The following SAMM50 variants were observed in gnomAD, a reference collection of about 807,000 sequenced individuals.
SAMM50 encodes sorting and assembly machinery component 50 homolog.
In SAMM50, 47 loss-of-function variants were observed where a neutral mutation model predicts 66.9. The ratio of observed to expected loss-of-function variants is 0.70; its 90% confidence interval spans 0.56 to 0.90. The LOEUF is 0.90. SAMM50 is among the 40% of genes least tolerant of loss of function. SAMM50 has a pLI of 0.00. For synonymous variants in SAMM50, 191 were observed against 214.1 expected, an observed-to-expected ratio of 0.89 and a Z score of 0.94; for missense variants, 535 against 595.3, an observed-to-expected ratio of 0.90 and a Z score of 1.05.
At chr22:43,993,456 C>G (rs1173595233) in intron 14 of SAMM50, among the ~76,000 whole-genome samples, 1 of 152,228 alleles carries the variant, frequency 6.6e-6, no homozygotes, top group Admixed American at 6.5e-5. Flanking sequence ...AGCTTTACTT[C>G]CGTCTCTTCA....
At chr22:43,967,582 A>G (rs939524547) in intron 3 of SAMM50, among the ~76,000 whole-genome samples, 1 of 152,132 alleles carries the variant, frequency 6.6e-6, no homozygotes, top group East Asian at 1.9e-4. Context: ...CCTTCACCCT[A>G]GCCCCTGAGG....
chr22:43,984,751 C>T (rs548438480), intron 12 of SAMM50, among the ~76,000 whole-genome samples: 1 of 152,130 alleles, frequency 6.6e-6, no homozygotes, highest in Non-Finnish European at 1.5e-5. Context: ...GCCTCAGCCC[C>T]CTGAGTAGCT....
chr22:43,987,980 T>A (rs2050303335), intron 12 of SAMM50: 1 of 152,156 alleles, frequency 6.6e-6, no homozygotes, highest in Non-Finnish European at 1.5e-5. Context: ...TGGTTTTACA[T>A]TTACATTATA....
At chr22:43,982,584 C>T (rs2050270120) in intron 11 of SAMM50, among the ~76,000 whole-genome samples, 1 of 152,224 alleles carries the variant, frequency 6.6e-6, no homozygotes, top group African/African-American at 2.4e-5. Context: ...ATGTTATATG[C>T]ATCCTGGATC....
At chr22:43,967,065 C>G (rs1027763041) in intron 3 of SAMM50, among the ~76,000 whole-genome samples, 1 of 152,178 alleles carries the variant, frequency 6.6e-6, no homozygotes, top group Non-Finnish European at 1.5e-5. Context: ...TTTTCTGTCT[C>G]ATCACAGTCA....
At chr22:43,982,420 A>G (rs1195409750) in intron 11 of SAMM50, among the ~76,000 whole-genome samples, 1 of 152,224 alleles carries the variant, frequency 6.6e-6, no homozygotes, top group Non-Finnish European at 1.5e-5. Context: ...ATATGTGTTC[A>G]TAAGTTAACA....
intron 1 of SAMM50, among the ~76,000 whole-genome samples, chr22:43,955,865 T>C (rs2050116638): frequency 1.3e-5 from 2 of 152,238 alleles, no homozygotes; most frequent in African/African-American, 4.8e-5. Context: ...CAACTTTCTG[T>C]GATGTCTTAG....
intron 7 of SAMM50, chr22:43,974,785 T>A (rs2050222771): frequency 6.6e-6 from 1 of 152,274 alleles, no homozygotes; most frequent in Non-Finnish European, 1.5e-5. Flanking sequence ...GTGGTCGGGC[T>A]CCCGGGAGCT....
Position 43,973,046 on chromosome 22 carries a change from A to C in SAMM50, c.560+45A>C, listed in dbSNP as rs771295307. 4 of 1,570,264 alleles carry C rather than the reference A, an allele frequency of 2.5e-6. No individual in the cohort carries two copies. In the Admixed American group the frequency reaches 8.3e-5, roughly 33 times the overall value. The stretch of plus-strand genomic sequence containing the variant: ...ATTGAGTACACTGGCCTGATAGAAA[A>C]GTTAAAATAGGTGGCTTATTTGTGA... On this transcript the variant is annotated intron_variant, in intron 6 of 14. Transcript: ENST00000350028.
intron 11 of SAMM50, 32 bp downstream of exon 11, chr22:43,981,493 A>G: frequency 6.9e-7 from 1 of 1,458,742 alleles, no homozygotes; most frequent in Non-Finnish European, 9.6e-7. Context: ...GATAATTTGC[A>G]CATATTTTCC....
At chr22:43,985,527 T>C (rs534790854) in intron 12 of SAMM50, among the ~76,000 whole-genome samples, 1 of 152,212 alleles carries the variant, frequency 6.6e-6, no homozygotes, top group Non-Finnish European at 1.5e-5. Context: ...TGGGACCCAA[T>C]AACTTGTTTC....
intron 1 of SAMM50, among the ~76,000 whole-genome samples, chr22:43,961,290 A>G (rs2050145944): frequency 6.6e-6 from 1 of 151,840 alleles, no homozygotes; most frequent in South Asian, 2.1e-4. Context: ...GTGCCACACT[A>G]GACCTTCTGT....
intron 4 of SAMM50, among the ~76,000 whole-genome samples, chr22:43,969,350 C>T (rs1244690625): frequency 2.6e-5 from 4 of 152,196 alleles, no homozygotes; most frequent in Non-Finnish European, 5.9e-5. Context: ...GGGCACGTCT[C>T]TGAACATTTA....
At chr22:43,982,609 G>T (rs2050270293) in intron 11 of SAMM50, among the ~76,000 whole-genome samples, 1 of 152,146 alleles carries the variant, frequency 6.6e-6, no homozygotes, top group South Asian at 2.1e-4. Context: ...GAATTCAAAT[G>T]TGTGATTTAT....
chr22:43,968,824 T>C lies in SAMM50; in HGVS notation c.322+6T>C. 6.3e-7 allele frequency: 1 copy of C among 1,587,502 alleles called. No homozygotes were observed. Among genetic ancestry groups the C allele is most frequent in the Non-Finnish European group, 8.7e-7 (1 of 1,155,950 alleles). On this transcript the variant is annotated splice_donor_region_variant and intron_variant, in intron 4 of 14. Transcript: ENST00000350028. Reference sequence around the variant, plus strand: ...TTTGATTGACACATGTCAAGGTACATATTGTGGTGTAGTATCTTTATAATT... The same window carrying C: ...TTTGATTGACACATGTCAAGGTACACATTGTGGTGTAGTATCTTTATAATT...
At chr22:43,969,882 C>T (rs1340142348) in intron 4 of SAMM50, among the ~76,000 whole-genome samples, 3 of 152,032 alleles carry the variant, frequency 2.0e-5, no homozygotes, top group South Asian at 2.1e-4. Flanking sequence ...TAACATGGCG[C>T]GGTAGAGTTC....
intron 4 of SAMM50, among the ~76,000 whole-genome samples, chr22:43,969,865 GT>G (rs1392752253): frequency 2.6e-5 from 4 of 152,162 alleles, no homozygotes; most frequent in African/African-American, 9.7e-5. Flanking sequence ...CCAGACCGTG[GT>G]GGGCCTAACA....
chr22:43,961,476 G>A (rs952422626), intron 1 of SAMM50, among the ~76,000 whole-genome samples: 4 of 152,184 alleles, frequency 2.6e-5, no homozygotes, highest in African/African-American at 9.7e-5. Context: ...TTGAGATGGA[G>A]TCTTGCTCTG....
intron 1 of SAMM50, among the ~76,000 whole-genome samples, chr22:43,960,064 G>C (rs1184438493): frequency 6.6e-6 from 1 of 152,188 alleles, no homozygotes; most frequent in Non-Finnish European, 1.5e-5. Flanking sequence ...ATTTTAGAAA[G>C]TGCAGTGGAA....
Sources: allele counts gnomAD v4.1 joint callset (sites outside exome capture counted in the v4.1 genomes callset), GRCh38; gene constraint gnomAD v4.1.1; transcripts MANE v1.5; gene names NCBI Gene and HGNC (gene_info 2026-07-23, HGNC 2026-07-21).